CIITA: variants seen among roughly 807,000 people sequenced by gnomAD.
CIITA encodes the protein MHC class II transactivator.
A neutral mutation model predicts 115.1 loss-of-function variants in CIITA; 72 were observed. The observed-to-expected ratio is 0.63, with a 90% CI of 0.52 to 0.76. The LOEUF is 0.76. Among genes scored for constraint, CIITA ranks in the 30% least tolerant of loss-of-function variants. The pLI, the probability that CIITA is intolerant of heterozygous loss-of-function variation, is 0.00. For missense variants in CIITA, 1,617 were observed against 1,463.8 expected (o/e 1.10, Z -1.71); for synonymous variants, 763 against 635.6 (o/e 1.20, Z -3.02).
At position 10,941,414 on chromosome 16, in the gene CIITA, A is replaced by T; in HGVS notation, n.540A>T. 1.6e-6 allele frequency: 1 copy of T among 642,126 alleles called. No individual in the cohort carries two copies. The highest frequency in any genetic ancestry group is 2.1e-6 in the Non-Finnish European group (1 of 465,184). The allele number at this position is 642,126 out of a possible 1,614,324, so 39.8% of individuals were successfully genotyped here. On this transcript the variant is annotated non_coding_transcript_exon_variant, in exon 2 of 2. Coordinates refer to the CIITA transcript ENST00000573379. The surrounding 1 kb of genome is among the most constrained non-coding windows in gnomAD (Gnocchi z 6.4). ...GCTTTCCAGCCCAAACGAAGGGCTT[A>T]AGAGGAGTCTGGCCATTCCTGGCAT...
rs2039939492 is a variant in CIITA at position 10,916,219 on chromosome 16, G to C, written c.2970-148G>C. 34 of 741,318 alleles carry C rather than the reference G, an allele frequency of 4.6e-5. No homozygotes were observed. In the South Asian group the frequency reaches 4.7e-4, roughly 10 times the overall value. 45.9% of individuals were successfully genotyped at this position (741,318 alleles called of 1,614,324 possible). On this transcript the variant is annotated intron_variant, in intron 14 of 19. Transcript: ENST00000324288. Reference sequence around the variant, plus strand: ...AGGTGATGAAGTCCTCGTCTGAAAAGCTCAGGAATGTGCCGGCTGCCTATG... The same window carrying C: ...AGGTGATGAAGTCCTCGTCTGAAAACCTCAGGAATGTGCCGGCTGCCTATG...
Position 10,910,266 on chromosome 16 carries a change from A to G in CIITA, c.2888+7A>G, listed in dbSNP as rs1425006270. On this transcript the variant is annotated splice_region_variant and intron_variant, in intron 13 of 19. Coordinates refer to ENST00000324288, the MANE Select transcript of CIITA (RefSeq NM_000246.4). ...TAAAGAAACTGGAGTTTGCGTAAGC[A>G]AAGGGGTGGATTGTCTTGTGGGTCT... 1.2e-6 allele frequency: 2 copies of G among 1,613,270 alleles called. No homozygotes were observed. The highest frequency in any genetic ancestry group is 2.7e-5 in the African/African-American group (2 of 74,908).
chr16:10,880,571 C>T (rs1291820491), intron 1 of CIITA, among the ~76,000 whole-genome samples: 3 of 152,326 alleles, frequency 2.0e-5, no homozygotes, highest in African/African-American at 4.8e-5. Context: ...GTGCAGCAAG[C>T]AGATGTGAAC....
rs1269266807 is a variant in CIITA at position 10,908,005 on chromosome 16, C to T, written c.2513C>T (p.Thr838Ile). ...CCCGGCCGCCTCTCTTTTCTGGGCA[C>T]CCGCCTCACGCCTCCTGATGCACAT... ...ELPGRLSFLG[T>I]RLTPPDAHVL... The change falls in exon 11 of 20, where the codon ACC (threonine) becomes ATC (isoleucine). Residue 838 changes from threonine to isoleucine, a missense_variant. Thr to Ile is a moderately conservative substitution (Grantham distance 89, BLOSUM62 -1). Transcript: ENST00000324288. 22 of 1,598,192 alleles carry T rather than the reference C, an allele frequency of 1.4e-5. No individual in the cohort carries two copies. Among genetic ancestry groups the T allele is most frequent in the Non-Finnish European group, 1.8e-5 (21 of 1,169,974 alleles).
intron 1 of CIITA, 102 bp from the exon 2 acceptor site, chr16:10,895,180 C>T: frequency 7.1e-7 from 1 of 1,404,922 alleles, no homozygotes; most frequent in Non-Finnish European, 1.0e-6. Flanking sequence ...TTATTCACTC[C>T]TCTCATCCCC....
At chr16:10,908,419 A>G in intron 11 of CIITA, 1 of 588,278 alleles carries the variant, frequency 1.7e-6, no homozygotes, top group South Asian at 1.9e-5. Context: ...AGAATCTGAG[A>G]CTGACCTGGG....
chr16:10,899,308 C>T (rs1488013400), intron 5 of CIITA, among the ~76,000 whole-genome samples: 1 of 152,198 alleles, frequency 6.6e-6, no homozygotes, highest in Non-Finnish European at 1.5e-5. Context: ...TGTGCCCTTT[C>T]AAGCCTCGGG....
At position 10,879,570 on chromosome 16, in the gene CIITA, C is replaced by G. The variant is rs1567360342; in HGVS notation, c.52+2188C>G. Among the ~76,000 whole-genome samples the G allele has an allele frequency of 1.3e-5, 2 of 151,636 alleles. No homozygotes were observed. Among genetic ancestry groups the G allele is most frequent in the Admixed American group, 6.6e-5 (1 of 15,186 alleles). On this transcript the variant is annotated intron_variant, in intron 1 of 19. Coordinates refer to ENST00000324288, the MANE Select transcript of CIITA (RefSeq NM_000246.4). This position sits in a 1 kb window ranked among gnomAD's most constrained non-coding sequence, Gnocchi z 4.3. ...GGCAGTAGGGAGCCAAACCTTTAAC[C>G]AGAGGATGGGATAAGTCCTCAACTC...
rs1487697619 is a variant in CIITA, at chr16:10,890,910, G to GAGGCTCC, written c.53-4370_53-4364dup. Among the ~76,000 whole-genome samples, 6 of 152,166 alleles carry GAGGCTCC rather than the reference G, an allele frequency of 3.9e-5. No homozygotes were observed. The South Asian group carries it at 6.2e-4, about 16-fold the overall frequency. ...TTCGCATTTTATAGATATGGAAACT[G>GAGGCTCC]AGGCTCCAAGTGGTTTAAAAAATGA... On this transcript the variant is annotated intron_variant, in intron 1 of 19. Coordinates refer to ENST00000324288, the MANE Select transcript of CIITA (RefSeq NM_000246.4).
chr16:10,918,911 C>G (rs371678422), intron 16 of CIITA, among the ~76,000 whole-genome samples: 1 of 152,196 alleles, frequency 6.6e-6, no homozygotes, highest in Admixed American at 6.5e-5. Flanking sequence ...CACTTACATG[C>G]CGGTCAGTGT....
intron 1 of CIITA, among the ~76,000 whole-genome samples, chr16:10,869,538 T>A (rs1162752851): frequency 1.4e-5 from 2 of 145,176 alleles, no homozygotes. Flanking sequence ...TTTTTTTTGA[T>A]ACAGAGTCTT....
Position 10,923,162 on chromosome 16 carries a change from T to G in CIITA, c.3318-66T>G. On this transcript the variant is annotated intron_variant, in intron 18 of 19. Coordinates refer to ENST00000324288, the MANE Select transcript of CIITA (RefSeq NM_000246.4). The surrounding 1 kb of genome is among the most constrained non-coding windows in gnomAD (Gnocchi z 5.2). Reference sequence around the variant, plus strand: ...GTGGAAGGAGGGATTTGGGGGCAGCTGTCACTGGGGCCCCAGGCCGCCCTC... The same window carrying G: ...GTGGAAGGAGGGATTTGGGGGCAGCGGTCACTGGGGCCCCAGGCCGCCCTC... The G allele has an allele frequency of 1.5e-6, 2 of 1,375,294 alleles. No homozygotes were observed. The allele number at this position is 1,375,294 out of a possible 1,614,324, so 85.2% of individuals were successfully genotyped here.
At chr16:10,902,282 C>T in intron 7 of CIITA, 98 bp downstream of exon 7, 1 of 1,506,920 alleles carries the variant, frequency 6.6e-7, no homozygotes, top group Non-Finnish European at 9.0e-7. Flanking sequence ...TGGACCTCAC[C>T]TCTCCCCAAC....
chr16:10,889,527 G>GT (rs375071964), intron 1 of CIITA, among the ~76,000 whole-genome samples: 4,256 of 147,498 alleles, frequency 0.029, 183 homozygotes, highest in African/African-American at 0.097. Flanking sequence ...TTTGTTTTTT[G>GT]TTTTTTTTTT....
In CIITA at chr16:10,901,532, C is replaced by A. The variant is rs774695473; in HGVS notation, c.455C>A (p.Pro152Gln). 6.2e-7 allele frequency: 1 copy of A among 1,614,028 alleles called. No individual in the cohort carries two copies. Among genetic ancestry groups the A allele is most frequent in the Non-Finnish European group, 8.5e-7 (1 of 1,180,004 alleles). ...SQKRPFPEEL[P>Q]ADLKHWKPAE... Reference sequence around the variant, plus strand: ...TCTGCAGCCTTCCCAGAGGAGCTTCCGGCAGACCTGAAGCACTGGAAGCCA... The same window carrying A: ...TCTGCAGCCTTCCCAGAGGAGCTTCAGGCAGACCTGAAGCACTGGAAGCCA... Residue 152 changes from proline to glutamine, a missense_variant, in exon 6 of 20, where the codon CCG (proline) becomes CAG (glutamine). Pro to Gln is a moderately conservative substitution (Grantham distance 76). Transcript: ENST00000324288. This position sits in a 1 kb window ranked among gnomAD's most constrained non-coding sequence, Gnocchi z 6.8.
At position 10,907,159 on chromosome 16, in the gene CIITA, G is replaced by A; in HGVS notation, c.1667G>A (p.Ser556Asn). 1 of 1,613,370 alleles carries A rather than the reference G, an allele frequency of 6.2e-7. No individual in the cohort carries two copies. Among genetic ancestry groups the A allele is most frequent in the South Asian group, 1.1e-5 (1 of 91,086 alleles). Residue 556 changes from serine to asparagine, a missense_variant, in exon 11 of 20, where the codon AGC (serine) becomes AAC (asparagine). Ser to Asn is a conservative substitution (Grantham distance 46). Transcript: ENST00000324288. The surrounding 1 kb of genome is among the most constrained non-coding windows in gnomAD (Gnocchi z 5.0). ...TARPRGRLVQ[S>N]LSKADALFEL... is the part of the protein sequence containing the mutation. ...CGGCCCCGGGGCCGCCTGGTCCAGA[G>A]CCTGAGCAAGGCCGACGCCCTATTT...
intron 1 of CIITA, among the ~76,000 whole-genome samples, chr16:10,889,353 A>C (rs2037301901): frequency 6.6e-6 from 1 of 152,132 alleles, no homozygotes; most frequent in African/African-American, 2.4e-5. Flanking sequence ...ACTGGGAGGC[A>C]GCTGTGGCGT....
At position 10,930,744 on chromosome 16, in the gene CIITA, C is replaced by T. The variant is rs1400529359; in HGVS notation, c.*6889C>T. ...ACCTTAGCAGAGGCTGTGGGTGCCC[C>T]GCCCCATTCCCTCCACTCACTCTTC... On this transcript the variant is annotated 3_prime_UTR_variant, in exon 20 of 20. Coordinates refer to ENST00000324288, the MANE Select transcript of CIITA (RefSeq NM_000246.4). The T allele has an allele frequency of 1.3e-5, 2 of 152,210 alleles. No homozygotes were observed. The highest frequency in any genetic ancestry group is 2.1e-4 in the South Asian group (1 of 4,820). The allele number at this position is 152,210 out of a possible 1,614,324, so 9.4% of individuals were successfully genotyped here.
At chr16:10,905,907 C>G (rs1490335127) in intron 10 of CIITA, among the ~76,000 whole-genome samples, 2 of 151,898 alleles carry the variant, frequency 1.3e-5, no homozygotes, top group Non-Finnish European at 2.9e-5. Context: ...TGTATGGGGG[C>G]CAGATGTGGT....
Sources: allele counts gnomAD v4.1 joint callset (sites outside exome capture counted in the v4.1 genomes callset), GRCh38; gene constraint gnomAD v4.1.1; non-coding constraint Gnocchi (gnomAD v3.1); transcripts MANE v1.5; gene names NCBI Gene and HGNC (gene_info 2026-07-23, HGNC 2026-07-21).